Variants in CSMD1 observed in about 807,000 individuals in gnomAD.
The protein encoded by CSMD1 is CUB and Sushi multiple domains 1.
In CSMD1, 213 loss-of-function variants were observed where a neutral mutation model predicts 417.5. The ratio of observed to expected loss-of-function variants is 0.51; its 90% CI spans 0.46 to 0.57. The LOEUF (loss-of-function observed/expected upper bound fraction) is 0.57. CSMD1 is among the 20% of genes least tolerant of loss of function. The pLI, the probability that CSMD1 is intolerant of heterozygous loss-of-function variation, is 0.00. For synonymous variants in CSMD1, 2,862 were observed against 1,736.8 expected (o/e 1.65, Z -16.11); for missense variants, 6,923 against 4,529.7 (o/e 1.53, Z -15.17).
At chr8:4,849,530 G>C (rs1358047399) in intron 1 of CSMD1, among the ~76,000 whole-genome samples, 1 of 152,112 alleles carries the variant, frequency 6.6e-6, no homozygotes, top group East Asian at 1.9e-4. Flanking sequence ...GCTACTTCCA[G>C]GTTGCAAACT....
chr8:4,268,582 C>T (rs1585128540), intron 3 of CSMD1, among the ~76,000 whole-genome samples: 2 of 152,162 alleles, frequency 1.3e-5, no homozygotes, highest in East Asian at 3.9e-4. Context: ...ATCCTCATTT[C>T]CAAAGACTTA....
At chr8:4,962,942 G>C (rs1423227946) in intron 1 of CSMD1, among the ~76,000 whole-genome samples, 25 of 152,128 alleles carry the variant, frequency 1.6e-4, no homozygotes, top group Admixed American at 1.6e-3. Context: ...AGAGATGGGA[G>C]GAGAACATGG....
intron 26 of CSMD1, among the ~76,000 whole-genome samples, chr8:3,231,724 G>C (rs553349626): frequency 6.6e-6 from 1 of 152,258 alleles, no homozygotes; most frequent in African/African-American, 2.4e-5. Flanking sequence ...AGTGTCATAT[G>C]ATACAGACAT....
chr8:3,263,840 C>T (rs1474780584), intron 26 of CSMD1, among the ~76,000 whole-genome samples: 1 of 152,176 alleles, frequency 6.6e-6, no homozygotes, highest in Non-Finnish European at 1.5e-5. Flanking sequence ...GATTAGACAT[C>T]TGTGGGAAAA....
Position 4,687,230 on chromosome 8 carries a change from G to A in CSMD1, c.86-49672C>T, listed in dbSNP as rs535428909. Among the ~76,000 whole-genome samples, 5 of 152,278 alleles carry A rather than the reference G, an allele frequency of 3.3e-5. No homozygotes were observed. The East Asian group carries it at 7.7e-4, about 24-fold the overall frequency. ...GGCTTTCTGATGACTGCATCTCCAG[G>A]CCCCTGGTAGCCACAGGATGCTGGC... is the stretch of plus-strand genomic sequence containing the variant. On this transcript the variant is annotated intron_variant, in intron 1 of 69. Transcript: ENST00000635120.
chr8:4,854,252 T>G (rs868719299), intron 1 of CSMD1, among the ~76,000 whole-genome samples: 2 of 152,328 alleles, frequency 1.3e-5, no homozygotes, highest in Non-Finnish European at 2.9e-5. Flanking sequence ...ATAAGTCTTA[T>G]GTTGAAATAT....
At chr8:3,883,375 G>A (rs190823292) in intron 5 of CSMD1, among the ~76,000 whole-genome samples, 3 of 152,066 alleles carry the variant, frequency 2.0e-5, no homozygotes, top group East Asian at 3.9e-4. Flanking sequence ...TCCAGCTATC[G>A]ATTTCTCATA....
intron 39 of CSMD1, among the ~76,000 whole-genome samples, chr8:3,152,818 T>C (rs1017706236): frequency 1.3e-5 from 2 of 152,204 alleles, no homozygotes; most frequent in Non-Finnish European, 2.9e-5. Flanking sequence ...GTGCACTTTG[T>C]CCATGCAGCT....
At chr8:2,952,021 CTT>C (rs1802672639) in intron 65 of CSMD1, among the ~76,000 whole-genome samples, 1 of 152,116 alleles carries the variant, frequency 6.6e-6, no homozygotes, top group Admixed American at 6.6e-5. Flanking sequence ...TGAGATATTT[CTT>C]CTTGTTTTCA....
At chr8:3,018,684 C>G (rs1357183921) in intron 51 of CSMD1, 34 bp from the exon 52 acceptor site, 3 of 1,582,550 alleles carry the variant, frequency 1.9e-6, no homozygotes, top group Non-Finnish European at 2.6e-6. Context: ...AACATCAATT[C>G]AGTTATGCAG....
intron 5 of CSMD1, among the ~76,000 whole-genome samples, chr8:3,997,204 C>G (rs73658526): frequency 0.015 from 2,347 of 152,264 alleles, 55 homozygotes; most frequent in African/African-American, 0.054. Flanking sequence ...AAATTAAGGC[C>G]TTAAACATCT....
chr8:4,620,283 G>C (rs1010196547), intron 2 of CSMD1, among the ~76,000 whole-genome samples: 7 of 151,500 alleles, frequency 4.6e-5, no homozygotes, highest in African/African-American at 1.7e-4. Context: ...CTGTTCTCCT[G>C]TAAGAAATAT....
intron 5 of CSMD1, among the ~76,000 whole-genome samples, chr8:3,956,956 T>A (rs957905215): frequency 6.6e-6 from 1 of 152,190 alleles, no homozygotes; most frequent in Non-Finnish European, 1.5e-5. Flanking sequence ...ACTTTTTCTA[T>A]ACGGAAAGGT....
intron 5 of CSMD1, among the ~76,000 whole-genome samples, chr8:3,764,318 C>A (rs372131197): frequency 6.6e-6 from 1 of 152,162 alleles, no homozygotes; most frequent in East Asian, 1.9e-4. Context: ...GGGAAACTCT[C>A]CTGAGTGTAC....
chr8:3,446,086 T>G (rs943841336), intron 12 of CSMD1, among the ~76,000 whole-genome samples: 5 of 152,152 alleles, frequency 3.3e-5, no homozygotes, highest in Admixed American at 2.6e-4. Flanking sequence ...AACAGTAAAG[T>G]TGAAATGGAC....
chr8:2,968,059 T>C (rs920844289), intron 57 of CSMD1, among the ~76,000 whole-genome samples: 7 of 152,224 alleles, frequency 4.6e-5, no homozygotes, highest in Admixed American at 3.9e-4. Context: ...GGTTGGCATA[T>C]GAGTTGGGAT....
chr8:4,241,375 G>A (rs187128269), intron 3 of CSMD1, among the ~76,000 whole-genome samples: 49 of 152,268 alleles, frequency 3.2e-4, no homozygotes, highest in African/African-American at 9.9e-4. Flanking sequence ...CAGGTCCTCA[G>A]GGAAACCCTT....
At chr8:4,637,016 T>A (rs2724975) in intron 2 of CSMD1, among the ~76,000 whole-genome samples, 6 of 151,660 alleles carry the variant, frequency 4.0e-5, no homozygotes, top group Non-Finnish European at 5.9e-5. Flanking sequence ...AGGGCATTCC[T>A]ATAGGACAGA....
chr8:4,726,951 TA>T (rs909478380), intron 1 of CSMD1, among the ~76,000 whole-genome samples: 16 of 152,080 alleles, frequency 1.1e-4, no homozygotes, highest in African/African-American at 3.9e-4. Flanking sequence ...CATATGTACT[TA>T]AAAAAAATAC....
Sources: allele counts gnomAD v4.1 joint callset (sites outside exome capture counted in the v4.1 genomes callset), GRCh38; gene constraint gnomAD v4.1.1; transcripts MANE v1.5; gene names NCBI Gene and HGNC (gene_info 2026-07-23, HGNC 2026-07-21).